The following IPO11 variants were observed in gnomAD, a reference collection of about 807,000 sequenced individuals.
IPO11 encodes the protein importin 11, also known as importin-11.
Under a neutral mutation model 143.2 loss-of-function variants are expected in IPO11, and 66 were observed. The observed-to-expected ratio is 0.46, with a 90% CI of 0.38 to 0.57. The LOEUF is 0.57. Among genes scored for constraint, IPO11 ranks in the 20% least tolerant of loss-of-function variants. IPO11 has a pLI of 0.00. For synonymous variants in IPO11, 385 were observed against 377.8 expected (o/e 1.02, Z -0.22); for missense variants, 1,026 against 1,141.0 (o/e 0.90, Z 1.45).
At chr5:62,586,060 A>G (rs369934193) in intron 27 of IPO11, among the ~76,000 whole-genome samples, 2 of 152,102 alleles carry the variant, frequency 1.3e-5, no homozygotes, top group South Asian at 2.1e-4. Context: ...TTTTGAGATG[A>G]TTGTGAGAGT....
intron 12 of IPO11, among the ~76,000 whole-genome samples, chr5:62,486,106 G>A (rs796345343): frequency 3.3e-5 from 5 of 150,518 alleles, no homozygotes; most frequent in African/African-American, 1.2e-4. Context: ...TCAGCCTCCC[G>A]AGTAGCTGGG....
At chr5:62,496,577 A>C (rs184945917) in intron 16 of IPO11, among the ~76,000 whole-genome samples, 1 of 152,248 alleles carries the variant, frequency 6.6e-6, no homozygotes, top group Non-Finnish European at 1.5e-5. Flanking sequence ...TCAAGAATGT[A>C]TAAGTCATAC....
chr5:62,518,401 G>A (rs1450471402), intron 20 of IPO11, among the ~76,000 whole-genome samples: 3 of 151,456 alleles, frequency 2.0e-5, no homozygotes, highest in African/African-American at 4.9e-5. Context: ...CTGAGATCGC[G>A]CCACTGTACT....
intron 19 of IPO11, among the ~76,000 whole-genome samples, chr5:62,513,288 CGGGGCGGCTGGCTGGGCGTGGGGCTG>C (rs1741846434): frequency 1.1e-5 from 1 of 88,730 alleles, no homozygotes; most frequent in Non-Finnish European, 2.2e-5. Flanking sequence ...CCCTCCCGGA[CGGGGCGGCTGGCTGGGCGTGGGGCTG>C]ACCCCCCCAC....
At chr5:62,448,450 G>A (rs247236) in intron 3 of IPO11, among the ~76,000 whole-genome samples, 123,746 of 152,210 alleles carry the variant, frequency 0.81, 51,031 homozygotes, top group African/African-American at 0.95. Context: ...TTATTACTCA[G>A]TTTTACTCTA....
chr5:62,580,886 C>T, intron 27 of IPO11: 3 of 1,551,336 alleles, frequency 1.9e-6, no homozygotes, highest in Non-Finnish European at 2.6e-6. Flanking sequence ...GCAGTGTTAC[C>T]TGTGCAAATA....
intron 3 of IPO11, among the ~76,000 whole-genome samples, chr5:62,443,670 C>T (rs1201452650): frequency 6.6e-6 from 1 of 151,304 alleles, no homozygotes; most frequent in African/African-American, 2.4e-5. Context: ...AATCCCAGGT[C>T]AACTCTGAAC....
intron 28 of IPO11, among the ~76,000 whole-genome samples, chr5:62,592,730 C>T (rs755792800): frequency 3.3e-5 from 5 of 151,822 alleles, no homozygotes; most frequent in Admixed American, 6.6e-5. Flanking sequence ...TTTCACGTGG[C>T]GGCAGGAAGG....
intron 20 of IPO11, among the ~76,000 whole-genome samples, chr5:62,525,247 C>G (rs1323966050): frequency 2.6e-5 from 4 of 151,890 alleles, no homozygotes; most frequent in East Asian, 1.9e-4. Flanking sequence ...ATACAGATAT[C>G]TAGATATTTA....
chr5:62,553,638 C>G (rs1368894135), intron 26 of IPO11, among the ~76,000 whole-genome samples: 1 of 151,772 alleles, frequency 6.6e-6, no homozygotes, highest in East Asian at 1.9e-4. Flanking sequence ...TGCTCTACAT[C>G]CTTTCCAGCA....
intron 28 of IPO11, among the ~76,000 whole-genome samples, chr5:62,596,030 G>A (rs1170399323): frequency 6.6e-6 from 1 of 151,270 alleles, no homozygotes; most frequent in Non-Finnish European, 1.5e-5. Flanking sequence ...AGGCCGAGAC[G>A]GTAGAATCGC....
intron 3 of IPO11, among the ~76,000 whole-genome samples, chr5:62,446,600 A>C (rs187047424): frequency 1.4e-4 from 21 of 152,344 alleles, no homozygotes; most frequent in African/African-American, 4.8e-4. Context: ...ACATTTAAAA[A>C]AATTGGGTTA....
chr5:62,487,631 C>CTT (rs5868310), intron 12 of IPO11, 140 bp from the exon 13 acceptor site: 21,038 of 724,574 alleles, frequency 0.029, 50 homozygotes, highest in African/African-American at 0.059. Context: ...GGTAACCTTA[C>CTT]TTTTTTTTTT....
chr5:62,564,585 A>AT (rs376227269), intron 27 of IPO11, among the ~76,000 whole-genome samples: 436 of 152,094 alleles, frequency 2.9e-3, no homozygotes, highest in Non-Finnish European at 5.0e-3. Flanking sequence ...CCAGATGATA[A>AT]TTTTTTGTGG....
intron 19 of IPO11, among the ~76,000 whole-genome samples, chr5:62,510,996 A>G (rs1741730567): frequency 6.6e-6 from 1 of 152,198 alleles, no homozygotes; most frequent in South Asian, 2.1e-4. Flanking sequence ...GGCCTCGCAA[A>G]GTGCTGGGAT....
At chr5:62,441,639 CT>C (rs1418398489) in intron 2 of IPO11, among the ~76,000 whole-genome samples, 1 of 150,292 alleles carries the variant, frequency 6.7e-6, no homozygotes, top group East Asian at 2.0e-4. Context: ...CCTCAGCCTA[CT>C]AGCAGCTGGG....
intron 17 of IPO11, 47 bp downstream of exon 17, chr5:62,504,747 C>G: frequency 1.5e-6 from 2 of 1,375,986 alleles, no homozygotes; most frequent in Non-Finnish European, 1.0e-6. Flanking sequence ...AGAACTTTAA[C>G]ACTTTTAATT....
chr5:62,489,513 A>G (rs1746530098), intron 14 of IPO11, among the ~76,000 whole-genome samples, 164 bp downstream of exon 14: 1 of 152,246 alleles, frequency 6.6e-6, no homozygotes, highest in Non-Finnish European at 1.5e-5. Flanking sequence ...GTATTATAAT[A>G]ATACTATACA....
intron 27 of IPO11, among the ~76,000 whole-genome samples, chr5:62,583,606 T>A (rs1207384742): frequency 2.0e-5 from 3 of 152,106 alleles, no homozygotes; most frequent in Non-Finnish European, 4.4e-5. Context: ...TTTTAAAAAA[T>A]TTTTCTTTTT....
Sources: allele counts gnomAD v4.1 joint callset (sites outside exome capture counted in the v4.1 genomes callset), GRCh38; gene constraint gnomAD v4.1.1; transcripts MANE v1.5; gene names NCBI Gene and HGNC (gene_info 2026-07-23, HGNC 2026-07-21).